SAMSN1: variants seen among roughly 807,000 people sequenced by gnomAD.
SAMSN1 encodes SAM domain, SH3 domain and nuclear localization signals 1.
A neutral mutation model predicts 42.0 loss-of-function variants in SAMSN1; 31 were observed. The ratio of observed to expected loss-of-function variants is 0.74; its 90% CI spans 0.55 to 1.00. SAMSN1 has a LOEUF of 1.00. Ranked by LOEUF, SAMSN1 falls within the 50% of genes least tolerant of loss-of-function variation. SAMSN1 has a pLI of 0.00. For missense variants in SAMSN1, 464 were observed against 439.4 expected (o/e 1.06, Z -0.50); for synonymous variants, 178 against 151.9 (o/e 1.17, Z -1.26).
rs1019294495 is a variant in SAMSN1 at position 14,575,655 on chromosome 21, G to C, written c.261+6481C>G. Reference sequence around the variant, plus strand: ...ATAGTTCATAGTCTACCTTCTTCCGGGTGAGTGTGTGAGCTTTCTTCTTAG... The same window carrying C: ...ATAGTTCATAGTCTACCTTCTTCCGCGTGAGTGTGTGAGCTTTCTTCTTAG... On this transcript the variant is annotated intron_variant, in intron 2 of 8. Coordinates refer to the SAMSN1 transcript ENST00000285670. Among the ~76,000 whole-genome samples, 7 of 152,118 alleles carry C rather than the reference G, an allele frequency of 4.6e-5. No individual in the cohort carries two copies. The East Asian group carries it at 7.7e-4, about 17-fold the overall frequency.
At position 14,563,687 on chromosome 21, in the gene SAMSN1, C is replaced by T. The variant is rs138491789; in HGVS notation, c.261+18449G>A. 8.5e-5 allele frequency among the ~76,000 whole-genome samples: 13 copies of T among 152,246 alleles called. 1 individual carries two copies. The East Asian group carries it at 2.5e-3, about 29-fold the overall frequency. On this transcript the variant is annotated intron_variant, in intron 2 of 8. Transcript: ENST00000285670. ...CCTGGGTACAAAAACAACAGTGGTT[C>T]CTATACTTCGTGATTCATACAAAGT...
chr21:14,638,156 C>A (rs974728978), intron 2 of SAMSN1, among the ~76,000 whole-genome samples: 1 of 152,096 alleles, frequency 6.6e-6, no homozygotes, highest in African/African-American at 2.4e-5. Context: ...GCAGATTATA[C>A]GAATCCTTGT....
chr21:14,598,070 A>T (rs746544392), intron 6 of SAMSN1: 1 of 152,180 alleles, frequency 6.6e-6, no homozygotes, highest in Non-Finnish European at 1.5e-5. Flanking sequence ...AAAGAAATTG[A>T]TTGAAATGGG....
intron 6 of SAMSN1, chr21:14,598,240 TCTGAAGG>T (rs1252642937): frequency 6.6e-6 from 1 of 152,158 alleles, no homozygotes; most frequent in African/African-American, 2.4e-5. Flanking sequence ...TGAATGATAC[TCTGAAGG>T]CTGAATGCAA....
chr21:14,532,504 A>G (rs958921979), intron 1 of SAMSN1, among the ~76,000 whole-genome samples: 1 of 152,198 alleles, frequency 6.6e-6, no homozygotes, highest in South Asian at 2.1e-4. Flanking sequence ...ACATTTATTT[A>G]CCTTTTAGAA....
chr21:14,532,873 T>C (rs2123100640), intron 1 of SAMSN1, among the ~76,000 whole-genome samples: 1 of 151,912 alleles, frequency 6.6e-6, no homozygotes, highest in African/African-American at 2.4e-5. Flanking sequence ...TATTACAAAA[T>C]GTACATATTT....
At chr21:14,542,365 C>T (rs933850129) in intron 1 of SAMSN1, among the ~76,000 whole-genome samples, 2 of 152,140 alleles carry the variant, frequency 1.3e-5, no homozygotes, top group Non-Finnish European at 2.9e-5. Context: ...TTAGGCTCTA[C>T]ATATGAGGCT....
intron 4 of SAMSN1, among the ~76,000 whole-genome samples, chr21:14,611,794 G>T (rs542686163): frequency 7.2e-5 from 11 of 152,166 alleles, no homozygotes; most frequent in Middle Eastern, 3.4e-3. Flanking sequence ...CCCATTGTGG[G>T]GTATCACTTT....
chr21:14,643,863 G>A (rs138717653), intron 1 of SAMSN1, among the ~76,000 whole-genome samples: 117 of 152,282 alleles, frequency 7.7e-4, no homozygotes, highest in Middle Eastern at 3.4e-3. Flanking sequence ...TGGGATCTGG[G>A]GAAGGGAGAA....
At chr21:14,539,613 A>G (rs1403659593) in intron 1 of SAMSN1, among the ~76,000 whole-genome samples, 1 of 151,880 alleles carries the variant, frequency 6.6e-6, no homozygotes, top group Non-Finnish European at 1.5e-5. Context: ...TTCAAGGAGA[A>G]CTACAAACCA....
chr21:14,507,952 G>C (rs1457946713), intron 5 of SAMSN1, among the ~76,000 whole-genome samples: 1 of 152,116 alleles, frequency 6.6e-6, no homozygotes, highest in Non-Finnish European at 1.5e-5. Context: ...AACATAAAGT[G>C]GGGAAAGGAC....
intron 2 of SAMSN1, among the ~76,000 whole-genome samples, chr21:14,581,344 C>CCTTTTTTTT (rs1981714672): frequency 3.1e-5 from 1 of 32,588 alleles, no homozygotes; most frequent in Non-Finnish European, 5.6e-5. Context: ...AATAATATTT[C>CCTTTTTTTT]TTTTTTTTTT....
At chr21:14,646,341 C>T (rs1983712649) in intron 1 of SAMSN1, among the ~76,000 whole-genome samples, 1 of 152,166 alleles carries the variant, frequency 6.6e-6, no homozygotes, top group South Asian at 2.1e-4. Flanking sequence ...GGAAACCTTA[C>T]AGGCCAGGAG....
intron 1 of SAMSN1, among the ~76,000 whole-genome samples, chr21:14,529,233 A>T (rs1040934778): frequency 6.6e-6 from 1 of 152,222 alleles, no homozygotes; most frequent in Non-Finnish European, 1.5e-5. Context: ...CGAGGGCAGG[A>T]TTAAGTCTCA....
At chr21:14,557,499 C>A (rs755933330) in intron 2 of SAMSN1, among the ~76,000 whole-genome samples, 1 of 152,154 alleles carries the variant, frequency 6.6e-6, no homozygotes, top group Non-Finnish European at 1.5e-5. Context: ...ACATGTTCAA[C>A]CCCTGTTTTC....
At chr21:14,506,669 A>G (rs1364216557) in intron 5 of SAMSN1, among the ~76,000 whole-genome samples, 2 of 152,144 alleles carry the variant, frequency 1.3e-5, no homozygotes, top group African/African-American at 2.4e-5. Context: ...TAGAGAAAGA[A>G]GGAACCCTCC....
intron 2 of SAMSN1, among the ~76,000 whole-genome samples, chr21:14,575,797 C>T (rs1443601653): frequency 2.0e-5 from 3 of 152,126 alleles, no homozygotes; most frequent in East Asian, 1.9e-4. Flanking sequence ...GAATGGAATC[C>T]GTGAATTGTT....
At chr21:14,507,220 G>A (rs1329322638) in intron 5 of SAMSN1, among the ~76,000 whole-genome samples, 1 of 152,014 alleles carries the variant, frequency 6.6e-6, no homozygotes, top group Non-Finnish European at 1.5e-5. Context: ...AGAAATAAAG[G>A]GCATCTAAAT....
intron 2 of SAMSN1, among the ~76,000 whole-genome samples, chr21:14,630,083 G>A (rs956634167): frequency 1.5e-4 from 23 of 152,076 alleles, no homozygotes; most frequent in Admixed American, 1.2e-3. Flanking sequence ...AATGTGATAG[G>A]AAATCCGATG....
Sources: allele counts gnomAD v4.1 joint callset (sites outside exome capture counted in the v4.1 genomes callset), GRCh38; gene constraint gnomAD v4.1.1; transcripts MANE v1.5; gene names NCBI Gene and HGNC (gene_info 2026-07-23, HGNC 2026-07-21).